The following ITGA8 variants were observed in gnomAD, a reference collection of about 807,000 sequenced individuals.
ITGA8 encodes integrin subunit alpha 8.
A neutral mutation model predicts 142.3 loss-of-function variants in ITGA8; 91 were observed. That is an observed-to-expected ratio of 0.64 (90% CI 0.54 to 0.76). The LOEUF (loss-of-function observed/expected upper bound fraction) is 0.76. ITGA8 is among the 30% of genes least tolerant of loss of function. ITGA8 has a pLI of 0.00. For missense variants in ITGA8, 1,406 were observed against 1,327.7 expected, an observed-to-expected ratio of 1.06 and a Z score of -0.92; for synonymous variants, 505 against 485.2, an observed-to-expected ratio of 1.04 and a Z score of -0.54.
intron 28 of ITGA8, among the ~76,000 whole-genome samples, chr10:15,527,869 G>T (rs1340277197): frequency 6.9e-6 from 1 of 144,238 alleles, no homozygotes; most frequent in Non-Finnish European, 1.5e-5. Flanking sequence ...ATTTCCAATG[G>T]ATTCTACCAC....
rs145776091 is a variant in ITGA8, at chr10:15,577,197, A to G, written c.2373-1603T>C. Among the ~76,000 whole-genome samples, 1,419 of 152,268 alleles carry G rather than the reference A, an allele frequency of 9.3e-3. 7 individuals are homozygous for G. The highest frequency in any genetic ancestry group is 0.016 in the Non-Finnish European group (1,066 of 68,008). ...GAGAACAAACATAGCACAGAAGCTG[A>G]ACACATTTTCTCTGAAAACTTTTGT... On this transcript the variant is annotated intron_variant, in intron 23 of 29. Transcript: ENST00000378076.
rs9329322 is a variant in ITGA8 at position 15,613,426 on chromosome 10, G to A, written c.1553+234C>T. 0.036 allele frequency among the ~76,000 whole-genome samples: 5,506 copies of A among 152,188 alleles called. 335 individuals carry two copies. The highest frequency in any genetic ancestry group is 0.13 in the African/African-American group (5,265 of 41,500). On this transcript the variant is annotated intron_variant, in intron 15 of 29. Coordinates refer to ENST00000378076, the MANE Select transcript of ITGA8 (RefSeq NM_003638.3). ...AGATTAGAGAAGTAGCCTTTGAATG[G>A]TAAGTCGATAGCCAAAGATCAGCAT... is the stretch of plus-strand genomic sequence containing the variant.
chr10:15,706,228 C>CT (rs561832389), intron 2 of ITGA8, among the ~76,000 whole-genome samples: 11 of 152,176 alleles, frequency 7.2e-5, no homozygotes, highest in Non-Finnish European at 1.5e-4. Flanking sequence ...AAAATTTCCT[C>CT]TTTTTTTGCA....
chr10:15,645,028 G>T (rs1833952385), intron 12 of ITGA8, among the ~76,000 whole-genome samples: 1 of 138,822 alleles, frequency 7.2e-6, no homozygotes. Context: ...GGAGGTGGAG[G>T]TTGTGGTGAG....
chr10:15,604,513 T>A (rs557729863), intron 19 of ITGA8, among the ~76,000 whole-genome samples, 158 bp from the exon 20 acceptor site: 18 of 148,130 alleles, frequency 1.2e-4, no homozygotes, highest in African/African-American at 4.5e-4. Context: ...AAGAGAATCA[T>A]CTCTGGGTAA....
chr10:15,515,021 CA>C lies in ITGA8; in HGVS notation c.*2136del, dbSNP rs1348033839. ...TCCTTCACCAATGTTGGCTTAAAGA[CA>C]AGGGGTGCATTTTTTCAGGGACCTT... is the stretch of plus-strand genomic sequence containing the variant. On this transcript the variant is annotated 3_prime_UTR_variant, in exon 30 of 30. Transcript: ENST00000378076. The C allele has an allele frequency of 6.6e-6, 1 of 152,142 alleles. No individual in the cohort carries two copies. The highest frequency in any genetic ancestry group is 2.1e-4 in the South Asian group (1 of 4,824). 9.4% of individuals were successfully genotyped at this position (152,142 alleles called of 1,614,324 possible).
intron 26 of ITGA8, among the ~76,000 whole-genome samples, chr10:15,549,227 T>TTTTTTTTTTTTTTTTTTTTTTTA (rs1833746444): frequency 8.2e-6 from 1 of 121,342 alleles, no homozygotes; most frequent in Non-Finnish European, 1.6e-5. Context: ...TTTTTTTTTT[T>TTTTTTTTTTTTTTTTTTTTTTTA]GAGACAGAGT....
intron 19 of ITGA8, among the ~76,000 whole-genome samples, chr10:15,605,455 A>G (rs958993130): frequency 6.7e-6 from 1 of 149,634 alleles, no homozygotes; most frequent in African/African-American, 2.4e-5. Flanking sequence ...CACCCCATCA[A>G]TGAGTTTACT....
intron 2 of ITGA8, among the ~76,000 whole-genome samples, chr10:15,713,990 C>A (rs1835406467): frequency 6.6e-6 from 1 of 152,156 alleles, no homozygotes; most frequent in Non-Finnish European, 1.5e-5. Flanking sequence ...CCTACCTCTT[C>A]CTGTCAACTT....
chr10:15,671,668 C>T (rs7100510), intron 7 of ITGA8, 21 bp from the exon 8 acceptor site: 3 of 1,601,840 alleles, frequency 1.9e-6, no homozygotes, highest in Admixed American at 3.3e-5. Flanking sequence ...GAAAAAGAAA[C>T]AAACTAATCA....
At chr10:15,705,854 C>T (rs1835248409) in intron 2 of ITGA8, among the ~76,000 whole-genome samples, 1 of 152,146 alleles carries the variant, frequency 6.6e-6, no homozygotes, top group Non-Finnish European at 1.5e-5. Context: ...GTGGCTCCTT[C>T]CTTGTGTTTT....
chr10:15,665,995 A>C (rs556658233), intron 8 of ITGA8, among the ~76,000 whole-genome samples: 112 of 152,242 alleles, frequency 7.4e-4, no homozygotes, highest in African/African-American at 2.6e-3. Flanking sequence ...GACTTGGCGA[A>C]GCCGGCTCTT....
chr10:15,604,220 T>C lies in ITGA8; in HGVS notation c.2106A>G (p.Glu702=), dbSNP rs1833152711. The C allele has an allele frequency of 1.9e-6, 3 of 1,610,566 alleles. No individual in the cohort carries two copies. The East Asian group carries it at 6.7e-5, about 36-fold the overall frequency. ...TTGCAGGCATTACCTTGTTGTTGCG[T>C]TCGATTCCAACATAATCTGCCTCTT... is the stretch of plus-strand genomic sequence containing the variant. ...IPEEADYVGI[E]RNNKGFRPLS... The change falls in exon 20 of 30, where the codon GAA becomes GAG. Residue 702 remains glutamate, a synonymous_variant. Coordinates refer to ENST00000378076, the MANE Select transcript of ITGA8 (RefSeq NM_003638.3).
At chr10:15,639,028 C>T (rs1833821802) in intron 13 of ITGA8, among the ~76,000 whole-genome samples, 1 of 151,868 alleles carries the variant, frequency 6.6e-6, no homozygotes, top group Admixed American at 6.6e-5. Flanking sequence ...ACTTAGGAGG[C>T]TGAGGTAAGA....
At chr10:15,675,577 CCTTGTAACTA>C (rs1190866232) in intron 6 of ITGA8, among the ~76,000 whole-genome samples, 1 of 152,194 alleles carries the variant, frequency 6.6e-6, no homozygotes, top group African/African-American at 2.4e-5. Context: ...CTTGTAACAA[CCTTGTAACTA>C]CTTTGCTGAT....
chr10:15,561,034 C>T (rs1272352077), intron 25 of ITGA8, among the ~76,000 whole-genome samples: 8 of 151,786 alleles, frequency 5.3e-5, no homozygotes, highest in Admixed American at 5.2e-4. Context: ...GCTAGGACTA[C>T]AGGCACATCC....
chr10:15,715,154 C>T (rs1321507429), intron 2 of ITGA8, among the ~76,000 whole-genome samples: 9 of 151,984 alleles, frequency 5.9e-5, no homozygotes, highest in Admixed American at 1.3e-4. Context: ...ACTCAGGAGG[C>T]AGCTTATCAG....
chr10:15,544,311 C>A lies in ITGA8; in HGVS notation c.2880+4144G>T, dbSNP rs530487918. 3.4e-5 allele frequency among the ~76,000 whole-genome samples: 5 copies of A among 147,866 alleles called. No homozygotes were observed. The South Asian group carries it at 6.3e-4, about 19-fold the overall frequency. The stretch of plus-strand genomic sequence containing the variant: ...AGACCCTGTCTCTACCAAAAAAAAA[C>A]AAAACAAAACAACAACAACAACAAA... On this transcript the variant is annotated intron_variant, in intron 27 of 29. Coordinates refer to ENST00000378076, the MANE Select transcript of ITGA8 (RefSeq NM_003638.3).
chr10:15,628,466 G>A lies in ITGA8; in HGVS notation c.1400-11907C>T, dbSNP rs186849102. 1.0e-4 allele frequency among the ~76,000 whole-genome samples: 15 copies of A among 150,640 alleles called. No homozygotes were observed. In the East Asian group the frequency reaches 2.0e-3, roughly 20 times the overall value. ...TCCTGCCTCAGCCTCCCGAGTAGCT[G>A]GGACTACAGGCGCCCACCACCACGC... On this transcript the variant is annotated intron_variant, in intron 13 of 29. Coordinates refer to ENST00000378076, the MANE Select transcript of ITGA8 (RefSeq NM_003638.3).
Sources: allele counts gnomAD v4.1 joint callset (sites outside exome capture counted in the v4.1 genomes callset), GRCh38; gene constraint gnomAD v4.1.1; transcripts MANE v1.5; gene names NCBI Gene and HGNC (gene_info 2026-07-23, HGNC 2026-07-21).